GPC6: variants seen among roughly 807,000 people sequenced by gnomAD.
GPC6 encodes the protein glypican-6.
Under a neutral mutation model 55.2 loss-of-function variants are expected in GPC6, and 14 were observed. The ratio of observed to expected loss-of-function variants is 0.25; its 90% CI spans 0.17 to 0.40. The LOEUF (loss-of-function observed/expected upper bound fraction) is 0.40. Among genes scored for constraint, GPC6 ranks in the 10% least tolerant of loss-of-function variants. The probability of loss-of-function intolerance (pLI) is 1.00; values close to 1 mark genes in which losing one functional copy is unlikely to be tolerated. For synonymous variants in GPC6, 278 were observed against 259.6 expected (o/e 1.07, Z -0.68); for missense variants, 641 against 708.5 (o/e 0.90, Z 1.08).
At chr13:93,492,610 G>A (rs1880065707) in intron 1 of GPC6, among the ~76,000 whole-genome samples, 1 of 149,640 alleles carries the variant, frequency 6.7e-6, no homozygotes, top group Non-Finnish European at 1.5e-5. Flanking sequence ...AGTTTTCAAA[G>A]GGAATGCTTC....
intron 4 of GPC6, among the ~76,000 whole-genome samples, chr13:94,157,786 G>T (rs1888006469): frequency 6.6e-6 from 1 of 152,168 alleles, no homozygotes; most frequent in African/African-American, 2.4e-5. Context: ...AAGACAGTAG[G>T]CAGTAGGTAT....
intron 2 of GPC6, among the ~76,000 whole-genome samples, chr13:93,810,736 G>C (rs1886671324): frequency 6.6e-6 from 1 of 152,148 alleles, no homozygotes; most frequent in Admixed American, 6.5e-5. Context: ...GGAATATTTT[G>C]CTCTTGGGGA....
intron 2 of GPC6, among the ~76,000 whole-genome samples, chr13:93,726,520 G>A (rs191767446): frequency 7.3e-4 from 111 of 152,132 alleles, no homozygotes; most frequent in Middle Eastern, 3.4e-3. Flanking sequence ...TTCCCTCGGG[G>A]TATGTCAGAG....
intron 6 of GPC6, among the ~76,000 whole-genome samples, chr13:94,353,552 A>C (rs1309867280): frequency 6.6e-6 from 1 of 151,982 alleles, no homozygotes; most frequent in Non-Finnish European, 1.5e-5. Flanking sequence ...GAGAAAAAAG[A>C]GTGAAAGTCG....
chr13:93,792,359 G>C (rs988053699), intron 2 of GPC6, among the ~76,000 whole-genome samples: 1 of 152,240 alleles, frequency 6.6e-6, no homozygotes, highest in Non-Finnish European at 1.5e-5. Context: ...CGCCCAGGCG[G>C]GAGTGCAGTG....
At chr13:93,825,863 T>TC (rs953981044) in intron 2 of GPC6, among the ~76,000 whole-genome samples, 1 of 144,420 alleles carries the variant, frequency 6.9e-6, no homozygotes, top group African/African-American at 2.5e-5. Flanking sequence ...TTATTTTCTT[T>TC]TTTTTTTTTT....
chr13:93,652,800 G>A (rs1202257218), intron 2 of GPC6, among the ~76,000 whole-genome samples: 1 of 152,132 alleles, frequency 6.6e-6, no homozygotes, highest in East Asian at 1.9e-4. Flanking sequence ...TGTTTCAGGG[G>A]TTATTTGGTG....
At chr13:93,318,806 C>A (rs16948637) in intron 1 of GPC6, among the ~76,000 whole-genome samples, 1,955 of 152,124 alleles carry the variant, frequency 0.013, 41 homozygotes, top group African/African-American at 0.043. Context: ...GAAGTTTGTT[C>A]AAAGTCTAAG....
intron 3 of GPC6, among the ~76,000 whole-genome samples, chr13:93,868,218 T>C (rs1889029164): frequency 6.6e-6 from 1 of 151,758 alleles, no homozygotes; most frequent in Admixed American, 6.6e-5. Context: ...ATTTACTAGC[T>C]TTTGTTCTCT....
chr13:94,033,014 A>T lies in GPC6; in HGVS notation c.877+5120A>T, dbSNP rs1295919917. ...TGGTTTAGGCATGGGAATGGAATAG[A>T]GAACAGATAAGGCCCCTGTTAGAGA... On this transcript the variant is annotated intron_variant, in intron 4 of 8. Coordinates refer to ENST00000377047, the MANE Select transcript of GPC6 (RefSeq NM_005708.5). Among the ~76,000 whole-genome samples the T allele has an allele frequency of 3.9e-5, 6 of 152,232 alleles. No individual in the cohort carries two copies. In the East Asian group the frequency reaches 9.6e-4, roughly 24 times the overall value.
intron 1 of GPC6, among the ~76,000 whole-genome samples, chr13:93,470,840 C>G (rs1274428973): frequency 6.6e-6 from 1 of 151,544 alleles, no homozygotes; most frequent in Non-Finnish European, 1.5e-5. Context: ...TAAATGTTAT[C>G]CATTTCATCA....
intron 4 of GPC6, among the ~76,000 whole-genome samples, chr13:94,214,106 A>G (rs2138992688): frequency 6.6e-6 from 1 of 152,368 alleles, no homozygotes; most frequent in Admixed American, 6.5e-5. Context: ...CTAACTGTGA[A>G]TAAAGATAAT....
intron 2 of GPC6, among the ~76,000 whole-genome samples, chr13:93,693,653 T>C (rs1384314220): frequency 2.0e-5 from 3 of 152,116 alleles, no homozygotes; most frequent in African/African-American, 7.2e-5. Context: ...TAATTTTTTG[T>C]ATTTATATTT....
At chr13:93,817,677 G>A (rs1464429944) in intron 2 of GPC6, among the ~76,000 whole-genome samples, 3 of 151,978 alleles carry the variant, frequency 2.0e-5, no homozygotes, top group African/African-American at 4.8e-5. Context: ...TGGGCAACAT[G>A]GCAAAACACC....
rs753161340 is a variant in GPC6, at chr13:94,398,545, G to A, written c.1369G>A (p.Asp457Asn). Residue 457 changes from aspartate to asparagine, a missense_variant, in exon 8 of 9, where the codon GAC (aspartate) becomes AAC (asparagine). By Grantham distance (23) the Asp-to-Asn change is conservative. Coordinates refer to ENST00000377047, the MANE Select transcript of GPC6 (RefSeq NM_005708.5). The stretch of plus-strand genomic sequence containing the variant: ...GGTGGATGTGGACATCACTCGGCCT[G>A]ACACTTTCATCAGACAGCAGATTAT... ...PEVDVDITRP[D>N]TFIRQQIMAL... The A allele has an allele frequency of 2.5e-6, 4 of 1,613,934 alleles. No homozygotes were observed. The South Asian group carries it at 4.4e-5, about 18-fold the overall frequency.
intron 2 of GPC6, among the ~76,000 whole-genome samples, chr13:93,792,260 A>G (rs1323128912): frequency 6.6e-6 from 1 of 152,152 alleles, no homozygotes; most frequent in African/African-American, 2.4e-5. Flanking sequence ...AAGGTAGTAG[A>G]GCTCTTAAAT....
chr13:93,481,568 G>A (rs1879521723), intron 1 of GPC6, among the ~76,000 whole-genome samples: 1 of 151,572 alleles, frequency 6.6e-6, no homozygotes, highest in Admixed American at 6.6e-5. Context: ...TTACATTTAG[G>A]TCTCAGATCC....
At chr13:93,832,712 A>G (rs946058634) in intron 3 of GPC6, among the ~76,000 whole-genome samples, 5 of 152,144 alleles carry the variant, frequency 3.3e-5, no homozygotes, top group African/African-American at 9.7e-5. Context: ...GACTGCCTCA[A>G]CTGAGGTCTT....
chr13:93,300,041 G>T (rs1166218922), intron 1 of GPC6, among the ~76,000 whole-genome samples: 1 of 152,186 alleles, frequency 6.6e-6, no homozygotes, highest in Non-Finnish European at 1.5e-5. Flanking sequence ...TACTCCCAAT[G>T]AAATAAGGTA....
Sources: gnomAD v4.1 joint callset for allele counts (sites outside exome capture counted in the v4.1 genomes callset) on GRCh38, gnomAD v4.1.1 for gene constraint, MANE v1.5 for transcripts, NCBI Gene and HGNC (gene_info 2026-07-23, HGNC 2026-07-21) for gene names.